Variants in XPOT observed in about 807,000 individuals in gnomAD.
XPOT encodes the protein exportin for tRNA.
XPOT carries 34 observed loss-of-function variants against 128.2 expected under a neutral mutation model. The ratio of observed to expected loss-of-function variants is 0.27; its 90% CI spans 0.20 to 0.35. XPOT has a LOEUF of 0.35. Ranked by LOEUF, XPOT falls within the 10% of genes least tolerant of loss-of-function variation. The probability of loss-of-function intolerance (pLI) is 1.00; values close to 1 mark genes in which losing one functional copy is unlikely to be tolerated. For synonymous variants in XPOT, 348 were observed against 394.3 expected (o/e 0.88, Z 1.39); for missense variants, 838 against 1,125.3 (o/e 0.74, Z 3.65).
At chr12:64,408,711 T>G (rs1592522605) in intron 1 of XPOT, among the ~76,000 whole-genome samples, 1 of 152,254 alleles carries the variant, frequency 6.6e-6, no homozygotes, top group Non-Finnish European at 1.5e-5. Flanking sequence ...TCTCACTCTG[T>G]TCTCCAGGCT....
At chr12:64,410,434 C>T (rs976061290) in intron 2 of XPOT, among the ~76,000 whole-genome samples, 3 of 152,050 alleles carry the variant, frequency 2.0e-5, no homozygotes, top group African/African-American at 7.2e-5. Flanking sequence ...TTTTCTCTTT[C>T]CTTGGCTTGA....
intron 5 of XPOT, among the ~76,000 whole-genome samples, 159 bp from the exon 6 acceptor site, chr12:64,418,717 T>TAATCATAATTATCAAAATAATTTTGAA: frequency 6.6e-6 from 1 of 152,206 alleles, no homozygotes; most frequent in Non-Finnish European, 1.5e-5. Context: ...ATAATTTTGA[T>TAATCATAATTATCAAAATAATTTTGAA]AATCATAATT....
intron 1 of XPOT, among the ~76,000 whole-genome samples, chr12:64,408,572 A>G (rs1057467360): frequency 6.6e-6 from 1 of 152,214 alleles, no homozygotes; most frequent in Non-Finnish European, 1.5e-5. Flanking sequence ...TTATTTGAGA[A>G]TGTTGGAACC....
chr12:64,427,584 C>T (rs1214116372), intron 15 of XPOT, among the ~76,000 whole-genome samples: 1 of 152,134 alleles, frequency 6.6e-6, no homozygotes, highest in African/African-American at 2.4e-5. Context: ...CAACCTCAAC[C>T]TCCTCAGGCT....
In XPOT at chr12:64,449,405, C is replaced by CAGTAGTGT. The variant is rs1307028382; in HGVS notation, c.*1275_*1282dup. ...AGCAAAAGGAAAAAATAATAGTTAT[C>CAGTAGTGT]AGTAGTGTCACTGGAAAGAAGAGAG... On this transcript the variant is annotated 3_prime_UTR_variant, in exon 25 of 25. Transcript: ENST00000332707. 6.6e-6 allele frequency: 1 copy of CAGTAGTGT among 152,082 alleles called. No homozygotes were observed. The highest frequency in any genetic ancestry group is 1.5e-5 in the Non-Finnish European group (1 of 68,020). 9.4% of individuals were successfully genotyped at this position (152,082 alleles called of 1,614,324 possible). A position where few individuals can be genotyped will look rare whatever the true frequency, so the allele number is the denominator to read the frequency against.
In XPOT at chr12:64,431,780, A is replaced by T; in HGVS notation, c.2219A>T (p.Gln740Leu). 2 of 1,614,082 alleles carry T rather than the reference A, an allele frequency of 1.2e-6. No homozygotes were observed. The highest frequency in any genetic ancestry group is 1.7e-6 in the Non-Finnish European group (2 of 1,179,982). Residue 740 changes from glutamine (Q) to leucine (L), a missense_variant, in exon 18 of 25, where the codon CAG (glutamine) becomes CTG (leucine). Gln to Leu is a moderately radical substitution (Grantham distance 113). Coordinates refer to ENST00000332707, the MANE Select transcript of XPOT (RefSeq NM_007235.6). Reference protein sequence around the residue: ...MLKDCEAKDLQEFIPLINQIT... With the variant: ...MLKDCEAKDLLEFIPLINQIT... ...AAAGATTGTGAAGCAAAAGATCTCCAGGAGTTCATTCCTCTTATCAACCAG... is the reference window on the plus strand; with the variant it reads ...AAAGATTGTGAAGCAAAAGATCTCCTGGAGTTCATTCCTCTTATCAACCAG...
At chr12:64,435,519 G>T in intron 21 of XPOT, 108 bp from the exon 22 acceptor site, 1 of 880,494 alleles carries the variant, frequency 1.1e-6, no homozygotes, top group Non-Finnish European at 1.6e-6. Flanking sequence ...TATTTCTCTG[G>T]AAATATTTAT....
Position 64,430,096 on chromosome 12 carries a change from T to C in XPOT, c.1785T>C (p.Ile595=), listed in dbSNP as rs1226729443. ...TGAGCAGCGATGATCAACTTTTTAT[T>C]TATGAGACAGCTGGAGTGCTGATTG... ...SLLSSDDQLF[I]YETAGVLIVN... The change falls in exon 17 of 25, where the codon ATT becomes ATC. Residue 595 remains isoleucine (I), a synonymous_variant. Transcript: ENST00000332707. The C allele has an allele frequency of 1.2e-6, 2 of 1,612,522 alleles. No homozygotes were observed. Among genetic ancestry groups the C allele is most frequent in the Non-Finnish European group, 1.7e-6 (2 of 1,179,462 alleles).
intron 5 of XPOT, among the ~76,000 whole-genome samples, chr12:64,418,565 C>G (rs1204294017): frequency 2.6e-5 from 4 of 151,596 alleles, no homozygotes; most frequent in Non-Finnish European, 4.4e-5. Flanking sequence ...ATTTTTTTTT[C>G]TTCTTAGAAG....
intron 24 of XPOT, among the ~76,000 whole-genome samples, chr12:64,446,637 T>C (rs76179764): frequency 6.6e-6 from 1 of 151,922 alleles, no homozygotes; most frequent in Non-Finnish European, 1.5e-5. Context: ...TTTTTTTTTT[T>C]CATATTCTGC....
Position 64,449,914 on chromosome 12 carries a change from A to G in XPOT, c.*1783A>G, listed in dbSNP as rs577194380. 2.0e-5 allele frequency: 3 copies of G among 152,196 alleles called. No individual in the cohort carries two copies. The highest frequency in any genetic ancestry group is 4.4e-5 in the Non-Finnish European group (3 of 68,032). 9.4% of individuals were successfully genotyped at this position (152,196 alleles called of 1,614,324 possible). A position where few individuals can be genotyped will look rare whatever the true frequency, so the allele number is the denominator to read the frequency against. On this transcript the variant is annotated 3_prime_UTR_variant, in exon 25 of 25. Coordinates refer to ENST00000332707, the MANE Select transcript of XPOT (RefSeq NM_007235.6). Reference sequence around the variant, plus strand: ...TCTAGAATCAGATTAAGTAGGTTCAAATACCAGTTCTGCCAGTAACTGGTT... The same window carrying G: ...TCTAGAATCAGATTAAGTAGGTTCAGATACCAGTTCTGCCAGTAACTGGTT...
Position 64,449,881 on chromosome 12 carries a change from G to A in XPOT, c.*1750G>A, listed in dbSNP as rs1218917524. 1.3e-5 allele frequency: 2 copies of A among 152,174 alleles called. No homozygotes were observed. The highest frequency in any genetic ancestry group is 2.9e-5 in the Non-Finnish European group (2 of 68,038). 9.4% of individuals were successfully genotyped at this position (152,174 alleles called of 1,614,324 possible). ...AGCATAGTGGGTAAGAGTTTATATA[G>A]CACAGGCTCTAGAATCAGATTAAGT... On this transcript the variant is annotated 3_prime_UTR_variant, in exon 25 of 25. Transcript: ENST00000332707.
chr12:64,430,934 TTTTTTTC>T (rs1412680792), intron 17 of XPOT, among the ~76,000 whole-genome samples: 5 of 152,100 alleles, frequency 3.3e-5, no homozygotes, highest in East Asian at 1.9e-4. Flanking sequence ...ATTTTTCTCT[TTTTTTTC>T]TTTTTTCTTT....
Position 64,434,540 on chromosome 12 carries a change from T to C in XPOT, c.2486T>C (p.Val829Ala). 6.2e-7 allele frequency: 1 copy of C among 1,614,062 alleles called. No homozygotes were observed. The highest frequency in any genetic ancestry group is 1.7e-5 in the Admixed American group (1 of 60,028). The change falls in exon 20 of 25, where the codon GTT (valine) becomes GCT (alanine). Residue 829 changes from valine (V) to alanine (A), a missense_variant. Val to Ala is a moderately conservative substitution (Grantham distance 64, BLOSUM62 0). Transcript: ENST00000332707. Reference protein sequence around the residue: ...AENVERVLVTVIQGAVEYPDP... With the variant: ...AENVERVLVTAIQGAVEYPDP... ...AATGTAGAAAGAGTGTTGGTTACTGTTATCCAAGGAGCAGTTGAATATCCA... is the reference window on the plus strand; with the variant it reads ...AATGTAGAAAGAGTGTTGGTTACTGCTATCCAAGGAGCAGTTGAATATCCA...
intron 1 of XPOT, chr12:64,405,016 G>C (rs2039965275): frequency 6.6e-6 from 1 of 152,376 alleles, no homozygotes; most frequent in African/African-American, 2.4e-5. Context: ...CGTCCCGAGT[G>C]CGTGGCCGGC....
chr12:64,425,233 G>A (rs749638832), intron 13 of XPOT, 51 bp downstream of exon 13: 2 of 1,610,436 alleles, frequency 1.2e-6, no homozygotes, highest in South Asian at 2.2e-5. Flanking sequence ...TTCAGTATAA[G>A]CTAATGGGAG....
At chr12:64,423,555 G>A (rs2040162221) in intron 11 of XPOT, among the ~76,000 whole-genome samples, 1 of 152,024 alleles carries the variant, frequency 6.6e-6, no homozygotes, top group Non-Finnish European at 1.5e-5. Context: ...CTGGGTTCAA[G>A]TGATTCTTGT....
At chr12:64,447,854 T>C (rs1454578772) in intron 24 of XPOT, among the ~76,000 whole-genome samples, 1 of 152,238 alleles carries the variant, frequency 6.6e-6, no homozygotes, top group African/African-American at 2.4e-5. Flanking sequence ...TTGATTTCTA[T>C]AGCATAGAGA....
rs1208051021 is a variant in XPOT at position 64,406,408 on chromosome 12, G to A, written c.-75+1604G>A. Among the ~76,000 whole-genome samples the A allele has an allele frequency of 2.7e-5, 4 of 149,146 alleles. No individual in the cohort carries two copies. The South Asian group carries it at 8.5e-4, about 32-fold the overall frequency. On this transcript the variant is annotated intron_variant, in intron 1 of 24. Coordinates refer to ENST00000332707, the MANE Select transcript of XPOT (RefSeq NM_007235.6). ...TTTTAGATGGAGTTTCGCTCTCGTT[G>A]ACCAGGCTGGAGTGCGGTGGCGCCA...
Sources: allele counts gnomAD v4.1 joint callset (sites outside exome capture counted in the v4.1 genomes callset), GRCh38; gene constraint gnomAD v4.1.1; transcripts MANE v1.5; gene names NCBI Gene and HGNC (gene_info 2026-07-23, HGNC 2026-07-21).